The following TRIT1 variants were observed in gnomAD, a reference collection of about 807,000 sequenced individuals.
TRIT1 encodes the protein tRNA isopentenyltransferase 1, also known as tRNA dimethylallyltransferase.
A neutral mutation model predicts 51.2 loss-of-function variants in TRIT1; 43 were observed. That is an observed-to-expected ratio of 0.84 (90% CI 0.66 to 1.08). TRIT1 has a LOEUF of 1.08. Ranked by LOEUF, TRIT1 falls within the 50% of genes least tolerant of loss-of-function variation. The pLI is 0.00. For missense variants in TRIT1, 528 were observed against 578.4 expected, an observed-to-expected ratio of 0.91 and a Z score of 0.89; for synonymous variants, 184 against 203.9, an observed-to-expected ratio of 0.90 and a Z score of 0.83.
rs74069778 is a variant in TRIT1, at chr1:39,843,081, C to T, written c.1234+1020G>A. Reference sequence around the variant, plus strand: ...ACAATCAGACACTCTCTTTCTCTTCCCCTTTCATCATTATAAACCAATGAC... The same window carrying T: ...ACAATCAGACACTCTCTTTCTCTTCTCCTTTCATCATTATAAACCAATGAC... On this transcript the variant is annotated intron_variant, in intron 10 of 10. Coordinates refer to ENST00000316891, the MANE Select transcript of TRIT1 (RefSeq NM_017646.6). Among the ~76,000 whole-genome samples the T allele has an allele frequency of 3.0e-3, 450 of 152,338 alleles. 4 individuals are homozygous for T. The highest frequency in any genetic ancestry group is 0.011 in the African/African-American group (437 of 41,570).
intron 10 of TRIT1, among the ~76,000 whole-genome samples, chr1:39,843,355 A>AAACTCAAGG (rs1328103488): frequency 6.6e-6 from 1 of 152,104 alleles, no homozygotes; most frequent in Admixed American, 6.5e-5. Flanking sequence ...AATACCATGT[A>AAACTCAAGG]AACTCAAGGC....
chr1:39,862,043 C>T (rs143931224), intron 1 of TRIT1, among the ~76,000 whole-genome samples: 11 of 151,718 alleles, frequency 7.3e-5, no homozygotes, highest in Middle Eastern at 6.8e-3. Context: ...AAAGGACAAA[C>T]ACTGTACGAT....
chr1:39,878,856 C>G (rs1276061424), intron 1 of TRIT1, among the ~76,000 whole-genome samples: 1 of 152,226 alleles, frequency 6.6e-6, no homozygotes, highest in Non-Finnish European at 1.5e-5. Context: ...GTCAGCTCAA[C>G]ACTCCACTTG....
chr1:39,848,111 AG>A lies in TRIT1; in HGVS notation c.704-15del, dbSNP rs1169357534. 1 of 1,609,640 alleles carries A rather than the reference AG, an allele frequency of 6.2e-7. No individual in the cohort carries two copies. The highest frequency in any genetic ancestry group is 1.1e-5 in the South Asian group (1 of 90,978). On this transcript the variant is annotated splice_polypyrimidine_tract_variant and intron_variant, in intron 5 of 10. Coordinates refer to ENST00000316891, the MANE Select transcript of TRIT1 (RefSeq NM_017646.6). ...GCTCATCTAGAACTTGAATCAAATT[AG>A]CCCATCAACCAGCAAGCAAGTTGTA... is the stretch of plus-strand genomic sequence containing the variant.
chr1:39,878,769 C>T (rs947818120), intron 1 of TRIT1, among the ~76,000 whole-genome samples: 11 of 152,134 alleles, frequency 7.2e-5, no homozygotes, highest in Non-Finnish European at 1.3e-4. Flanking sequence ...GTCTTTGATA[C>T]GAACTTGACA....
intron 1 of TRIT1, among the ~76,000 whole-genome samples, chr1:39,872,527 GAGAA>G (rs1014935053): frequency 2.0e-5 from 3 of 152,090 alleles, no homozygotes; most frequent in Non-Finnish European, 4.4e-5. Context: ...TTCTTACTCT[GAGAA>G]AGAAGTCACA....
At chr1:39,866,671 T>C (rs2124650708) in intron 1 of TRIT1, among the ~76,000 whole-genome samples, 1 of 152,276 alleles carries the variant, frequency 6.6e-6, no homozygotes, top group African/African-American at 2.4e-5. Context: ...CACATTAAGA[T>C]GCTCAGAAAG....
rs575718388 is a variant in TRIT1, at chr1:39,848,162, C to T, written c.704-65G>A. The T allele has an allele frequency of 1.9e-4, 231 of 1,189,774 alleles. 1 individual carries two copies. In the African/African-American group the frequency reaches 3.1e-3, roughly 16 times the overall value. 73.7% of individuals were successfully genotyped at this position (1,189,774 alleles called of 1,614,324 possible). On this transcript the variant is annotated intron_variant, in intron 5 of 10. Coordinates refer to ENST00000316891, the MANE Select transcript of TRIT1 (RefSeq NM_017646.6). ...AGGTACCTACTATATACTTACATGA[C>T]GAGTGAACAGGTGGTCACAAAAAAA...
rs1190974973 is a variant in TRIT1, at chr1:39,841,020, AC to A, written c.*723del. The A allele has an allele frequency of 6.6e-6, 1 of 152,210 alleles. No homozygotes were observed. Among genetic ancestry groups the A allele is most frequent in the Admixed American group, 6.5e-5 (1 of 15,282 alleles). 9.4% of individuals were successfully genotyped at this position (152,210 alleles called of 1,614,324 possible). A position where few individuals can be genotyped will look rare whatever the true frequency, so the allele number is the denominator to read the frequency against. On this transcript the variant is annotated 3_prime_UTR_variant, in exon 11 of 11. Coordinates refer to ENST00000316891, the MANE Select transcript of TRIT1 (RefSeq NM_017646.6). ...CATACTGTGTATAAACTAGGCATGG[AC>A]TTGTATATCTTTTTAAGGATCAAAG...
chr1:39,862,010 C>G (rs1009698675), intron 1 of TRIT1, among the ~76,000 whole-genome samples: 1 of 151,270 alleles, frequency 6.6e-6, no homozygotes, highest in Non-Finnish European at 1.5e-5. Context: ...ACATACTATG[C>G]TAAGTTAAAT....
chr1:39,864,106 G>A (rs1486761123), intron 1 of TRIT1, among the ~76,000 whole-genome samples: 4 of 151,864 alleles, frequency 2.6e-5, no homozygotes, highest in Non-Finnish European at 5.9e-5. Flanking sequence ...GGCTGGTCTC[G>A]AACTCCTGAC....
intron 10 of TRIT1, among the ~76,000 whole-genome samples, chr1:39,843,676 A>C (rs970744575): frequency 2.4e-4 from 36 of 152,252 alleles, no homozygotes; most frequent in African/African-American, 8.4e-4. Flanking sequence ...TAGTAACTCT[A>C]CTTCCTGCCC....
intron 1 of TRIT1, among the ~76,000 whole-genome samples, chr1:39,869,408 A>C (rs1175229127): frequency 6.6e-6 from 1 of 152,156 alleles, no homozygotes; most frequent in African/African-American, 2.4e-5. Flanking sequence ...CTCAGTGCTC[A>C]ATGTTGCACA....
intron 5 of TRIT1, among the ~76,000 whole-genome samples, chr1:39,849,574 A>G (rs964833978): frequency 6.6e-6 from 1 of 152,304 alleles, no homozygotes; most frequent in Middle Eastern, 3.4e-3. Context: ...CTGTTGTCCC[A>G]CTAGACTGGG....
chr1:39,867,065 G>A (rs927787329), intron 1 of TRIT1, among the ~76,000 whole-genome samples: 1 of 152,242 alleles, frequency 6.6e-6, no homozygotes, highest in African/African-American at 2.4e-5. Context: ...GGAATTTATA[G>A]TGCAGATTAT....
chr1:39,880,575 C>T (rs1385460414), intron 1 of TRIT1, among the ~76,000 whole-genome samples: 2 of 151,884 alleles, frequency 1.3e-5, no homozygotes, highest in South Asian at 2.1e-4. Context: ...CCAAGGCGGG[C>T]GGATCATGAG....
chr1:39,852,336 T>A (rs1290419860), intron 4 of TRIT1, among the ~76,000 whole-genome samples: 1 of 152,098 alleles, frequency 6.6e-6, no homozygotes, highest in East Asian at 1.9e-4. Context: ...AAAATCCACC[T>A]CCCACTGGGA....
chr1:39,880,941 G>C (rs956816747), intron 1 of TRIT1, among the ~76,000 whole-genome samples: 5 of 152,082 alleles, frequency 3.3e-5, no homozygotes, highest in African/African-American at 1.2e-4. Context: ...TGTAAGGCTG[G>C]GTGCAGTGCC....
chr1:39,882,120 A>G (rs988221631), intron 1 of TRIT1, among the ~76,000 whole-genome samples: 2 of 152,256 alleles, frequency 1.3e-5, no homozygotes, highest in African/African-American at 2.4e-5. Context: ...AAGAAGAAAC[A>G]AAGGCATGAA....
Sources: gnomAD v4.1 joint callset for allele counts (sites outside exome capture counted in the v4.1 genomes callset) on GRCh38, gnomAD v4.1.1 for gene constraint, MANE v1.5 for transcripts, NCBI Gene and HGNC (gene_info 2026-07-23, HGNC 2026-07-21) for gene names.